Variants in LIPJ observed in about 807,000 individuals in gnomAD.
LIPJ encodes the protein lipase family member J.
LIPJ carries 33 observed loss-of-function variants against 39.8 expected under a neutral mutation model. The ratio of observed to expected loss-of-function variants is 0.83; its 90% CI spans 0.63 to 1.11. The LOEUF (loss-of-function observed/expected upper bound fraction) is 1.11, where lower values mean the gene tolerates loss of function less well. Among genes scored for constraint, LIPJ ranks in the 50% least tolerant of loss-of-function variants. The pLI is 0.00. For missense variants in LIPJ, 422 were observed against 427.9 expected (o/e 0.99, Z 0.12); for synonymous variants, 128 against 139.2 (o/e 0.92, Z 0.57).
chr10:88,596,413 C>T (rs779631757), exon 7 of LIPJ: 2 of 1,526,220 alleles, frequency 1.3e-6, no homozygotes, highest in Non-Finnish European at 8.8e-7. Context: ...AGTCAATAGT[C>T]ATGGTATGTT....
chr10:88,591,555 C>A, intron 4 of LIPJ, 57 bp downstream of exon 4: 1 of 1,454,496 alleles, frequency 6.9e-7, no homozygotes, highest in Non-Finnish European at 9.3e-7. Flanking sequence ...TTCTTAATTG[C>A]TCCAATTGAC....
At chr10:88,583,386 C>G (rs959831408), upstream of LIPJ, 1 of 1,385,258 alleles carries the variant, frequency 7.2e-7, no homozygotes, top group African/African-American at 1.5e-5. Flanking sequence ...CCCCTCCGTC[C>G]TTGAGGAGCA....
At chr10:88,596,192 ACTTACT>A (rs1241815634) in intron 6 of LIPJ, 82 bp from the exon 7 acceptor site, 5 of 880,156 alleles carry the variant, frequency 5.7e-6, no homozygotes, top group Non-Finnish European at 7.8e-6. Flanking sequence ...CTATTTTTGA[ACTTACT>A]CTTATTCTCC....
chr10:88,600,832 C>T (rs1038239874), intron 8 of LIPJ, among the ~76,000 whole-genome samples: 12 of 152,180 alleles, frequency 7.9e-5, no homozygotes, highest in African/African-American at 2.7e-4. Context: ...AAGATCAAGG[C>T]ACTGACATCT....
chr10:88,591,618 C>T, intron 4 of LIPJ, 120 bp downstream of exon 4: 3 of 800,082 alleles, frequency 3.7e-6, no homozygotes, highest in Non-Finnish European at 5.7e-6. Context: ...AGTTAACTTC[C>T]CATGTATCTT....
chr10:88,596,747 A>C (rs1002861306), intron 7 of LIPJ, 43 bp from the exon 8 acceptor site: 2 of 1,493,810 alleles, frequency 1.3e-6, no homozygotes, highest in Non-Finnish European at 1.8e-6. Flanking sequence ...TTTAGCACTT[A>C]TTGTGGTCAT....
intron 8 of LIPJ, among the ~76,000 whole-genome samples, chr10:88,598,685 G>A (rs941472467): frequency 2.6e-5 from 4 of 151,736 alleles, no homozygotes; most frequent in Non-Finnish European, 4.4e-5. Context: ...GAAAGCTACT[G>A]TGCACTTCTT....
At chr10:88,586,393 T>C (rs1564929058), upstream of LIPJ, among the ~76,000 whole-genome samples, 1 of 152,072 alleles carries the variant, frequency 6.6e-6, no homozygotes, top group African/African-American at 2.4e-5. Flanking sequence ...ACAGCCCCCA[T>C]GTCTAATATT....
intron 10 of LIPJ, among the ~76,000 whole-genome samples, chr10:88,606,111 G>A (rs562883934): frequency 6.6e-6 from 1 of 152,228 alleles, no homozygotes; most frequent in African/African-American, 2.4e-5. Flanking sequence ...AAAATTAGAA[G>A]TAAATGAGAA....
At chr10:88,589,199 T>G (rs960254023) in intron 2 of LIPJ, among the ~76,000 whole-genome samples, 1 of 151,932 alleles carries the variant, frequency 6.6e-6, no homozygotes, top group Non-Finnish European at 1.5e-5. Flanking sequence ...TGTAGTAAGC[T>G]ACAATATCAG....
Position 88,602,564 on chromosome 10 carries a change from T to C in LIPJ, c.724-12T>C. The stretch of plus-strand genomic sequence containing the variant: ...ATATAAAAATGCTTTTTTTTTTTTT[T>C]TTACCCCTCAGAGTCGTTTGGATGT... On this transcript the variant is annotated splice_polypyrimidine_tract_variant and intron_variant, in intron 8 of 10. Coordinates refer to ENST00000371939, the Ensembl canonical transcript of LIPJ. 6.8e-7 allele frequency: 1 copy of C among 1,478,536 alleles called. No individual in the cohort carries two copies. The allele number at this position is 1,478,536 out of a possible 1,614,324, so 91.6% of individuals were successfully genotyped here.
chr10:88,596,134 TA>T (rs1851246054), intron 6 of LIPJ, 145 bp from the exon 7 acceptor site: 2 of 546,262 alleles, frequency 3.7e-6, no homozygotes, highest in Admixed American at 4.5e-5. Flanking sequence ...CTAGGTGATT[TA>T]AAAATGTTTG....
chr10:88,602,572 T>G lies in LIPJ; in HGVS notation c.724-4T>G, dbSNP rs781119794. Reference sequence around the variant, plus strand: ...ATGCTTTTTTTTTTTTTTTTACCCCTCAGAGTCGTTTGGATGTGTATTTTT... The same window carrying G: ...ATGCTTTTTTTTTTTTTTTTACCCCGCAGAGTCGTTTGGATGTGTATTTTT... On this transcript the variant is annotated splice_region_variant and splice_polypyrimidine_tract_variant and intron_variant, in intron 8 of 10. Coordinates refer to ENST00000371939, the Ensembl canonical transcript of LIPJ. 38 of 1,450,676 alleles carry G rather than the reference T, an allele frequency of 2.6e-5. No individual in the cohort carries two copies. The South Asian group carries it at 3.0e-4, about 11-fold the overall frequency. The allele number at this position is 1,450,676 out of a possible 1,614,324, so 89.9% of individuals were successfully genotyped here.
At chr10:88,590,463 CCT>C (rs1851042846) in intron 2 of LIPJ, 120 bp from the exon 3 acceptor site, 5 of 421,362 alleles carry the variant, frequency 1.2e-5, no homozygotes, top group Admixed American at 4.2e-5. Flanking sequence ...TTCTTCAAAG[CCT>C]CTGTTTTCTT....
At chr10:88,596,441 C>A in intron 7 of LIPJ, 25 bp downstream of exon 7, 1 of 1,456,258 alleles carries the variant, frequency 6.9e-7, no homozygotes, top group Non-Finnish European at 9.1e-7. Context: ...TATTTTATGT[C>A]ATTGATAACC....
upstream of LIPJ, chr10:88,583,640 C>T (rs183353277): frequency 3.8e-4 from 373 of 988,964 alleles, no homozygotes; most frequent in African/African-American, 6.2e-3. Flanking sequence ...AAGAATTTAC[C>T]AGCGATACCA....
upstream of LIPJ, chr10:88,582,969 G>GTATA: frequency 7.5e-7 from 1 of 1,326,572 alleles, no homozygotes; most frequent in Non-Finnish European, 1.0e-6. Context: ...GGAGCTGAGG[G>GTATA]TATAGCGTTT....
the LIPJ span, among the ~76,000 whole-genome samples, chr10:88,611,985 A>G: frequency 6.6e-6 from 1 of 152,246 alleles, no homozygotes; most frequent in African/African-American, 2.4e-5. Flanking sequence ...TAAAGTCAAG[A>G]CAAAGGAAAG....
intron 2 of LIPJ, among the ~76,000 whole-genome samples, chr10:88,590,222 T>G (rs966075830): frequency 5.9e-5 from 9 of 151,780 alleles, no homozygotes; most frequent in Non-Finnish European, 1.0e-4. Flanking sequence ...GTTAAATAAA[T>G]GTTAGGCTGG....
Sources: gnomAD v4.1 joint callset for allele counts (sites outside exome capture counted in the v4.1 genomes callset) on GRCh38, gnomAD v4.1.1 for gene constraint, MANE v1.5 for transcripts, NCBI Gene and HGNC (gene_info 2026-07-23, HGNC 2026-07-21) for gene names.